AGBL4: variants seen among roughly 807,000 people sequenced by gnomAD.
AGBL4 encodes cytosolic carboxypeptidase 6.
Under a neutral mutation model 66.4 loss-of-function variants are expected in AGBL4, and 58 were observed. The observed-to-expected ratio is 0.87, with a 90% CI of 0.71 to 1.09. The LOEUF (loss-of-function observed/expected upper bound fraction) is 1.09, where lower values mean the gene tolerates loss of function less well. Among genes scored for constraint, AGBL4 ranks in the 50% least tolerant of loss-of-function variants. The probability of loss-of-function intolerance (pLI) is 0.00; values close to 1 mark genes in which losing one functional copy is unlikely to be tolerated. For synonymous variants in AGBL4, 234 were observed against 222.9 expected, an observed-to-expected ratio of 1.05 and a Z score of -0.44; for missense variants, 579 against 631.0, an observed-to-expected ratio of 0.92 and a Z score of 0.88.
chr1:49,088,574 C>T (rs1644947864), intron 4 of AGBL4, among the ~76,000 whole-genome samples: 1 of 152,046 alleles, frequency 6.6e-6, no homozygotes, highest in African/African-American at 2.4e-5. Flanking sequence ...TATGTACACC[C>T]AACACAGGAG....
intron 3 of AGBL4, among the ~76,000 whole-genome samples, chr1:49,570,991 T>C (rs892161830): frequency 1.3e-4 from 20 of 152,162 alleles, no homozygotes; most frequent in Non-Finnish European, 2.9e-5. Flanking sequence ...ACTATAGCCT[T>C]GCAATATAAT....
chr1:49,637,173 T>C (rs1200055303), intron 3 of AGBL4, among the ~76,000 whole-genome samples: 1 of 152,202 alleles, frequency 6.6e-6, no homozygotes, highest in Non-Finnish European at 1.5e-5. Flanking sequence ...TATTGTGGGA[T>C]GTTGTTATTG....
chr1:48,602,987 G>A (rs957761940), intron 9 of AGBL4, among the ~76,000 whole-genome samples: 1 of 152,196 alleles, frequency 6.6e-6, no homozygotes, highest in East Asian at 1.9e-4. Context: ...TATGGCTGAA[G>A]GAACCATTCA....
chr1:49,687,974 T>C (rs1431010627), intron 3 of AGBL4, among the ~76,000 whole-genome samples: 1 of 152,126 alleles, frequency 6.6e-6, no homozygotes, highest in East Asian at 1.9e-4. Context: ...TTATAAGGTA[T>C]ATGAGATATT....
chr1:49,478,847 G>T (rs1646896824), intron 3 of AGBL4, among the ~76,000 whole-genome samples: 1 of 150,796 alleles, frequency 6.6e-6, no homozygotes, highest in Non-Finnish European at 1.5e-5. Flanking sequence ...GGAAGAAATG[G>T]AGTTAAAATG....
At chr1:49,931,037 ATAAT>A (rs1299513155) in intron 1 of AGBL4, among the ~76,000 whole-genome samples, 1 of 152,178 alleles carries the variant, frequency 6.6e-6, no homozygotes, top group Non-Finnish European at 1.5e-5. Context: ...ACCACTAGAA[ATAAT>A]TAATGAGTAT....
At chr1:48,786,266 T>C (rs1645405307) in intron 6 of AGBL4, among the ~76,000 whole-genome samples, 2 of 152,230 alleles carry the variant, frequency 1.3e-5, no homozygotes, top group Admixed American at 1.3e-4. Flanking sequence ...CTTTTAATCT[T>C]TTCAAAATAT....
intron 1 of AGBL4, among the ~76,000 whole-genome samples, chr1:49,869,770 G>A (rs1646794092): frequency 6.6e-6 from 1 of 152,114 alleles, no homozygotes; most frequent in Admixed American, 6.6e-5. Flanking sequence ...AAATAAAGTG[G>A]ATCTTACGAA....
At position 48,539,543 on chromosome 1, in the gene AGBL4, A is replaced by T; in HGVS notation, c.1364+99T>A. 6 of 897,576 alleles carry T rather than the reference A, an allele frequency of 6.7e-6. No individual in the cohort carries two copies. In the South Asian group the frequency reaches 1.5e-4, roughly 22 times the overall value. 55.6% of individuals were successfully genotyped at this position (897,576 alleles called of 1,614,324 possible). On this transcript the variant is annotated intron_variant, in intron 12 of 13. Transcript: ENST00000371839. ...CAGGATTATCTTTCCTGCGGCACAG[A>T]TGGGATGCTGAGTGTCAGCAAAAGG...
chr1:48,892,935 A>G (rs1192754099), intron 5 of AGBL4, among the ~76,000 whole-genome samples: 1 of 152,114 alleles, frequency 6.6e-6, no homozygotes, highest in Non-Finnish European at 1.5e-5. Flanking sequence ...AGGGGTTCAG[A>G]CTTTAATATA....
chr1:49,537,455 A>C (rs957459163), intron 3 of AGBL4, among the ~76,000 whole-genome samples: 1 of 152,192 alleles, frequency 6.6e-6, no homozygotes, highest in African/African-American at 2.4e-5. Flanking sequence ...AACAACAAAC[A>C]ATCAAGTAAT....
intron 1 of AGBL4, among the ~76,000 whole-genome samples, chr1:49,925,887 G>C (rs1410096979): frequency 6.6e-6 from 1 of 152,182 alleles, no homozygotes; most frequent in Non-Finnish European, 1.5e-5. Flanking sequence ...GATTCCTAAA[G>C]TTTCTGAATC....
At chr1:50,001,496 T>C (rs545879509) in intron 1 of AGBL4, among the ~76,000 whole-genome samples, 10 of 133,314 alleles carry the variant, frequency 7.5e-5, no homozygotes, top group African/African-American at 1.3e-4. Context: ...CATATATATG[T>C]ATGTGTGTGT....
intron 5 of AGBL4, among the ~76,000 whole-genome samples, chr1:48,896,870 C>T (rs1003400219): frequency 4.6e-5 from 7 of 151,610 alleles, no homozygotes; most frequent in East Asian, 1.9e-4. Flanking sequence ...TACAAAAGTA[C>T]GTATTCTTTT....
At chr1:48,534,423 C>T (rs1643936827) in intron 13 of AGBL4, 130 bp from the exon 14 acceptor site, 1 of 1,288,552 alleles carries the variant, frequency 7.8e-7, no homozygotes, top group Non-Finnish European at 1.0e-6. Context: ...GTCTTCTTCC[C>T]ACAGACACTA....
At chr1:49,971,259 G>A (rs1332932404) in intron 1 of AGBL4, among the ~76,000 whole-genome samples, 2 of 152,064 alleles carry the variant, frequency 1.3e-5, no homozygotes, top group Non-Finnish European at 2.9e-5. Flanking sequence ...TGTCCTACCT[G>A]GAACATGAAT....
At chr1:48,557,981 T>C (rs2148293348) in intron 11 of AGBL4, among the ~76,000 whole-genome samples, 1 of 152,246 alleles carries the variant, frequency 6.6e-6, no homozygotes, top group Non-Finnish European at 1.5e-5. Context: ...TAGTACACCA[T>C]CAAATAATGC....
intron 1 of AGBL4, among the ~76,000 whole-genome samples, chr1:49,948,454 AATATAGAT>A (rs1420674364): frequency 1.0e-4 from 6 of 59,628 alleles, no homozygotes; most frequent in Non-Finnish European, 2.1e-4. Flanking sequence ...TAAATATATA[AATATAGAT>A]AAATATATAA....
At chr1:49,016,384 T>C (rs1432131584) in intron 5 of AGBL4, among the ~76,000 whole-genome samples, 1 of 152,198 alleles carries the variant, frequency 6.6e-6, no homozygotes, top group African/African-American at 2.4e-5. Context: ...TGTAATGAAA[T>C]AGTAACCAGC....
Sources: gnomAD v4.1 joint callset for allele counts (sites outside exome capture counted in the v4.1 genomes callset) on GRCh38, gnomAD v4.1.1 for gene constraint, MANE v1.5 for transcripts, NCBI Gene and HGNC (gene_info 2026-07-23, HGNC 2026-07-21) for gene names.